The following MTHFD1 variants were observed in gnomAD, a reference collection of about 807,000 sequenced individuals.
The protein encoded by MTHFD1 is C-1-tetrahydrofolate synthase, cytoplasmic.
MTHFD1 carries 44 observed loss-of-function variants against 110.3 expected under a neutral mutation model. That is an observed-to-expected ratio of 0.40 (90% CI 0.31 to 0.51). The LOEUF (loss-of-function observed/expected upper bound fraction) is 0.51, where lower values mean the gene tolerates loss of function less well. MTHFD1 is among the 20% of genes least tolerant of loss of function. The probability of loss-of-function intolerance (pLI) is 0.60; values close to 1 mark genes in which losing one functional copy is unlikely to be tolerated. For synonymous variants in MTHFD1, 402 were observed against 428.8 expected, an observed-to-expected ratio of 0.94 and a Z score of 0.77; for missense variants, 909 against 1,173.1, an observed-to-expected ratio of 0.77 and a Z score of 3.29.
At position 64,440,594 on chromosome 14, in the gene MTHFD1, G is replaced by T. The variant is rs1035011531; in HGVS notation, c.1815+328G>T. Reference sequence around the variant, plus strand: ...TACCATTGCTTTATCTTTGTTGCTAGGTAGTTCAGCTACACTTTGATGGCT... The same window carrying T: ...TACCATTGCTTTATCTTTGTTGCTATGTAGTTCAGCTACACTTTGATGGCT... On this transcript the variant is annotated intron_variant, in intron 18 of 27. Coordinates refer to ENST00000652337, the MANE Select transcript of MTHFD1 (RefSeq NM_005956.4). 8 of 373,496 alleles carry T rather than the reference G, an allele frequency of 2.1e-5. No homozygotes were observed. The East Asian group carries it at 4.7e-4, about 22-fold the overall frequency. 23.1% of individuals were successfully genotyped at this position (373,496 alleles called of 1,614,324 possible).
intron 26 of MTHFD1, among the ~76,000 whole-genome samples, chr14:64,456,811 C>T (rs1052687174): frequency 6.6e-6 from 1 of 152,144 alleles, no homozygotes; most frequent in Admixed American, 6.5e-5. Context: ...ATGAGGTTTT[C>T]TAAAGTATTG....
At chr14:64,423,918 G>C (rs1425320673) in intron 8 of MTHFD1, among the ~76,000 whole-genome samples, 1 of 151,854 alleles carries the variant, frequency 6.6e-6, no homozygotes, top group Admixed American at 6.6e-5. Flanking sequence ...TAGCAGAGAC[G>C]GGGTTTCACT....
In MTHFD1 at chr14:64,426,036, G is replaced by C; in HGVS notation, c.971G>C (p.Arg324Pro). Residue 324 changes from arginine (R) to proline (P), a missense_variant, in exon 11 of 28, where the codon CGA (arginine) becomes CCA (proline). Transcript: ENST00000652337. ...TTCCAAAGTGACATTGATATATCAC[G>C]ATCTTGTAAACCGAAGCCCATTGGT... ...TPVPSDIDIS[R>P]SCKPKPIGKL... 2 of 1,613,516 alleles carry C rather than the reference G, an allele frequency of 1.2e-6. No homozygotes were observed. Among genetic ancestry groups the C allele is most frequent in the Non-Finnish European group, 1.7e-6 (2 of 1,180,022 alleles).
In MTHFD1 at chr14:64,427,474, G is replaced by A. The variant is rs781218221; in HGVS notation, c.1264+1G>A. ...CAGGGCCCCACCTTTGGAATAAAAG[G>A]TACTAGTGAGACTGGACCATGGGTG... is the stretch of plus-strand genomic sequence containing the variant. On this transcript the variant is annotated splice_donor_variant, in intron 12 of 27. Transcript: ENST00000652337. LOFTEE classifies it high-confidence loss of function. 3 of 1,614,084 alleles carry A rather than the reference G, an allele frequency of 1.9e-6. No individual in the cohort carries two copies. Among genetic ancestry groups the A allele is most frequent in the South Asian group, 2.2e-5 (2 of 91,088 alleles).
intron 23 of MTHFD1, among the ~76,000 whole-genome samples, chr14:64,448,814 T>TG (rs1296531557): frequency 2.6e-5 from 4 of 151,614 alleles, no homozygotes; most frequent in African/African-American, 9.7e-5. Context: ...TTTTTTTTTT[T>TG]TGGGGGACGA....
At chr14:64,435,860 C>T (rs1310640364) in intron 16 of MTHFD1, among the ~76,000 whole-genome samples, 189 bp downstream of exon 16, 1 of 152,206 alleles carries the variant, frequency 6.6e-6, no homozygotes, top group Non-Finnish European at 1.5e-5. Flanking sequence ...TATTAGCTAT[C>T]ATCAAATCTC....
chr14:64,450,446 A>T (rs1279169026), intron 24 of MTHFD1, among the ~76,000 whole-genome samples: 1 of 152,028 alleles, frequency 6.6e-6, no homozygotes, highest in Non-Finnish European at 1.5e-5. Context: ...AAGCTTCATC[A>T]TTTTTTCCAT....
chr14:64,423,183 A>G (rs1016847861), intron 8 of MTHFD1, among the ~76,000 whole-genome samples: 4 of 152,136 alleles, frequency 2.6e-5, no homozygotes, highest in Admixed American at 2.6e-4. Context: ...TAGAAACTTG[A>G]AACCATCCCA....
At chr14:64,439,407 C>G in intron 17 of MTHFD1, 1 of 572,944 alleles carries the variant, frequency 1.7e-6, no homozygotes, top group South Asian at 2.0e-5. Flanking sequence ...AGGTGGAGAG[C>G]CCCAAGTGAA....
At chr14:64,445,223 G>C (rs901826963) in intron 22 of MTHFD1, 2 of 191,078 alleles carry the variant, frequency 1.0e-5, no homozygotes, top group African/African-American at 4.7e-5. Flanking sequence ...GCATTGGCTG[G>C]GTAAGTTCCA....
intron 4 of MTHFD1, among the ~76,000 whole-genome samples, chr14:64,412,757 C>T (rs555753123): frequency 6.6e-6 from 1 of 151,576 alleles, no homozygotes; most frequent in East Asian, 2.0e-4. Flanking sequence ...CCTGCCTCAG[C>T]CTCCCGAGTA....
At chr14:64,416,410 G>T (rs2078027135) in intron 6 of MTHFD1, among the ~76,000 whole-genome samples, 1 of 152,082 alleles carries the variant, frequency 6.6e-6, no homozygotes, top group Non-Finnish European at 1.5e-5. Context: ...AAAAGGATAT[G>T]AAGTGAAAAG....
At chr14:64,403,985 G>A (rs953927931) in intron 2 of MTHFD1, among the ~76,000 whole-genome samples, 4 of 152,314 alleles carry the variant, frequency 2.6e-5, no homozygotes, top group African/African-American at 9.6e-5. Context: ...GTCTTGATTT[G>A]TGCTGGTTCA....
intron 15 of MTHFD1, among the ~76,000 whole-genome samples, chr14:64,434,949 C>CTTTTTTTTTTTT (rs374039248): frequency 1.2e-5 from 1 of 80,824 alleles, no homozygotes. Flanking sequence ...TCCCTCTTTT[C>CTTTTTTTTTTTT]TTTTTTTTTT....
chr14:64,407,981 C>T (rs2077949321), intron 2 of MTHFD1, among the ~76,000 whole-genome samples: 1 of 152,048 alleles, frequency 6.6e-6, no homozygotes, highest in African/African-American at 2.4e-5. Flanking sequence ...ATAAGGTTTT[C>T]TGAAACAGAA....
chr14:64,397,165 ATATATATATATATATATATATATAT>A (rs2077860748), intron 1 of MTHFD1, among the ~76,000 whole-genome samples: 1 of 22,094 alleles, frequency 4.5e-5, no homozygotes, highest in African/African-American at 2.6e-4. Context: ...ATATATATAT[ATATATATATATATATATATATATAT>A]AAAAAACAGT....
intron 1 of MTHFD1, among the ~76,000 whole-genome samples, chr14:64,394,197 G>A (rs2077829077): frequency 1.3e-5 from 2 of 152,064 alleles, no homozygotes; most frequent in Admixed American, 1.3e-4. Context: ...TCAGCCACTC[G>A]GCTACTACCC....
intron 8 of MTHFD1, among the ~76,000 whole-genome samples, chr14:64,421,338 G>A (rs549443983): frequency 2.0e-5 from 3 of 152,234 alleles, no homozygotes; most frequent in East Asian, 1.9e-4. Context: ...TTGAATTGTC[G>A]AAGGGAGTTA....
At chr14:64,452,541 G>C (rs911299969) in intron 24 of MTHFD1, among the ~76,000 whole-genome samples, 1 of 152,196 alleles carries the variant, frequency 6.6e-6, no homozygotes, top group Non-Finnish European at 1.5e-5. Context: ...CAGCCCATGG[G>C]ACTGAGGCCC....
Sources: gnomAD v4.1 joint callset for allele counts (sites outside exome capture counted in the v4.1 genomes callset) on GRCh38, gnomAD v4.1.1 for gene constraint, MANE v1.5 for transcripts, NCBI Gene and HGNC (gene_info 2026-07-23, HGNC 2026-07-21) for gene names.